Variants in CSMD3 observed in about 807,000 individuals in gnomAD.
CSMD3 encodes the protein CUB and Sushi multiple domains 3, also known as CUB and sushi domain-containing protein 3.
In CSMD3, 177 loss-of-function variants were observed where a neutral mutation model predicts 435.2. That is an observed-to-expected ratio of 0.41 (90% CI 0.36 to 0.46). CSMD3 has a LOEUF of 0.46. Among genes scored for constraint, CSMD3 ranks in the 20% least tolerant of loss-of-function variants. The pLI is 0.34. For synonymous variants in CSMD3, 1,656 were observed against 1,520.5 expected (o/e 1.09, Z -2.07); for missense variants, 4,265 against 4,504.6 (o/e 0.95, Z 1.52).
At chr8:112,935,894 TTGAA>T (rs1328872690) in intron 9 of CSMD3, among the ~76,000 whole-genome samples, 3 of 152,076 alleles carry the variant, frequency 2.0e-5, no homozygotes, top group Admixed American at 1.3e-4. Flanking sequence ...TTTAGGATGT[TTGAA>T]TGGTCTAAGT....
At chr8:113,268,874 A>C (rs561616114) in intron 3 of CSMD3, among the ~76,000 whole-genome samples, 10 of 152,194 alleles carry the variant, frequency 6.6e-5, no homozygotes, top group African/African-American at 2.4e-4. Flanking sequence ...AATTTGATCC[A>C]ATAAAAAATT....
chr8:113,149,403 T>C (rs2091754894), intron 4 of CSMD3, among the ~76,000 whole-genome samples: 1 of 151,784 alleles, frequency 6.6e-6, no homozygotes, highest in Non-Finnish European at 1.5e-5. Context: ...TCACTTATTT[T>C]CTACTTATAA....
rs1237816870 is a variant in CSMD3, at chr8:112,341,683, A to G, written c.6446T>C (p.Val2149Ala). Reference sequence around the variant, plus strand: ...AGAAAAATTTACAAACTGGAGATGTACACCTGAAGAAGAAAACAAACAGAA... The same window carrying G: ...AGAAAAATTTACAAACTGGAGATGTGCACCTGAAGAAGAAAACAAACAGAA... The part of the protein sequence containing the change: ...WTINLPIGFG[V>A]HLQFVNFSTE... The change falls in exon 42 of 71, where the codon GTA becomes GCA. Residue 2149 changes from valine to alanine, a missense_variant. Coordinates refer to ENST00000297405, the MANE Select transcript of CSMD3 (RefSeq NM_198123.2). 3.8e-6 allele frequency: 6 copies of G among 1,584,150 alleles called. No individual in the cohort carries two copies. The highest frequency in any genetic ancestry group is 5.2e-6 in the Non-Finnish European group (6 of 1,153,336).
At chr8:112,883,008 G>A (rs574807461) in intron 10 of CSMD3, among the ~76,000 whole-genome samples, 1 of 152,064 alleles carries the variant, frequency 6.6e-6, no homozygotes, top group East Asian at 2.0e-4. Context: ...GCTGCATTCT[G>A]AAAAGCACAC....
intron 1 of CSMD3, among the ~76,000 whole-genome samples, chr8:113,315,426 T>C (rs2093901769): frequency 6.6e-6 from 1 of 151,880 alleles, no homozygotes; most frequent in African/African-American, 2.4e-5. Flanking sequence ...AGGACAAAAA[T>C]ACGTTAAATA....
chr8:112,958,781 T>A (rs2084126415), intron 7 of CSMD3, among the ~76,000 whole-genome samples: 1 of 152,196 alleles, frequency 6.6e-6, no homozygotes, highest in African/African-American at 2.4e-5. Context: ...TTTGTCTTTA[T>A]GTTTTATGTT....
chr8:113,253,547 G>A (rs1459163249), intron 3 of CSMD3, among the ~76,000 whole-genome samples: 2 of 151,456 alleles, frequency 1.3e-5, no homozygotes, highest in African/African-American at 4.9e-5. Flanking sequence ...ACTCCTACAA[G>A]GAACCAAAAC....
At chr8:112,547,791 A>C (rs1827318217) in intron 27 of CSMD3, among the ~76,000 whole-genome samples, 1 of 152,126 alleles carries the variant, frequency 6.6e-6, no homozygotes, top group Admixed American at 6.6e-5. Context: ...AGCAGCAGAG[A>C]GAGAGAGAGT....
At chr8:113,273,368 T>C (rs1290078669) in intron 3 of CSMD3, among the ~76,000 whole-genome samples, 1 of 152,022 alleles carries the variant, frequency 6.6e-6, no homozygotes, top group Non-Finnish European at 1.5e-5. Flanking sequence ...GACTTTGTTT[T>C]TTGCGGTTTC....
At chr8:113,160,420 T>C (rs1045670829) in intron 4 of CSMD3, among the ~76,000 whole-genome samples, 1 of 151,986 alleles carries the variant, frequency 6.6e-6, no homozygotes. Flanking sequence ...GTATTCAAGG[T>C]GTTCAGTCAT....
intron 12 of CSMD3, among the ~76,000 whole-genome samples, chr8:112,818,975 T>C (rs1389217166): frequency 1.3e-5 from 2 of 152,162 alleles, no homozygotes; most frequent in Non-Finnish European, 2.9e-5. Context: ...TCAAGAGGGA[T>C]CAGAAATCAA....
At chr8:112,457,360 T>C (rs1191610106) in intron 32 of CSMD3, among the ~76,000 whole-genome samples, 2 of 152,062 alleles carry the variant, frequency 1.3e-5, no homozygotes, top group Non-Finnish European at 2.9e-5. Context: ...TGTTCAGAAA[T>C]AGTAAGCCTG....
At chr8:112,471,087 C>A (rs1264371915) in intron 32 of CSMD3, among the ~76,000 whole-genome samples, 1 of 152,036 alleles carries the variant, frequency 6.6e-6, no homozygotes, top group African/African-American at 2.4e-5. Context: ...TCTTTTTGAG[C>A]ATACATAGGC....
intron 13 of CSMD3, among the ~76,000 whole-genome samples, chr8:112,746,194 T>C (rs1294798349): frequency 6.6e-6 from 1 of 152,222 alleles, no homozygotes; most frequent in Non-Finnish European, 1.5e-5. Context: ...GCTATTTTTT[T>C]CTGTTGACAA....
chr8:112,594,024 C>T (rs1183753673), intron 22 of CSMD3, among the ~76,000 whole-genome samples: 1 of 152,052 alleles, frequency 6.6e-6, no homozygotes, highest in African/African-American at 2.4e-5. Context: ...GCCAAGATGG[C>T]CGAATAGGAA....
chr8:113,372,890 C>A (rs1265783469), intron 1 of CSMD3, among the ~76,000 whole-genome samples: 1 of 149,650 alleles, frequency 6.7e-6, no homozygotes, highest in African/African-American at 2.5e-5. Context: ...GCCGAGATTG[C>A]GCCACTGCAG....
intron 3 of CSMD3, among the ~76,000 whole-genome samples, chr8:113,252,506 A>G (rs931619294): frequency 1.3e-5 from 2 of 151,958 alleles, no homozygotes; most frequent in African/African-American, 2.4e-5. Flanking sequence ...AAACTTTCAG[A>G]TATCTTTCTT....
chr8:113,229,842 A>T (rs2093065684), intron 3 of CSMD3, among the ~76,000 whole-genome samples: 1 of 151,576 alleles, frequency 6.6e-6, no homozygotes, highest in Non-Finnish European at 1.5e-5. Flanking sequence ...TGCCCTCATC[A>T]CATACTCTCT....
chr8:113,385,162 A>G (rs2094434117), intron 1 of CSMD3, among the ~76,000 whole-genome samples: 1 of 152,074 alleles, frequency 6.6e-6, no homozygotes, highest in African/African-American at 2.4e-5. Context: ...AAACCCTAAC[A>G]TCACTACTTA....
Sources: gnomAD v4.1 joint callset for allele counts (sites outside exome capture counted in the v4.1 genomes callset) on GRCh38, gnomAD v4.1.1 for gene constraint, MANE v1.5 for transcripts, NCBI Gene and HGNC (gene_info 2026-07-23, HGNC 2026-07-21) for gene names.